The following TBC1D22A variants were observed in gnomAD, a reference collection of about 807,000 sequenced individuals.
TBC1D22A encodes the protein putative GTPase activator.
In TBC1D22A, 38 loss-of-function variants were observed where a neutral mutation model predicts 60.2. That is an observed-to-expected ratio of 0.63 (90% CI 0.49 to 0.83). The LOEUF (loss-of-function observed/expected upper bound fraction) is 0.83. TBC1D22A is among the 40% of genes least tolerant of loss of function. The probability of loss-of-function intolerance (pLI) is 0.00; values close to 1 mark genes in which losing one functional copy is unlikely to be tolerated. For synonymous variants in TBC1D22A, 302 were observed against 281.7 expected (o/e 1.07, Z -0.72); for missense variants, 628 against 701.0 (o/e 0.90, Z 1.18).
At chr22:46,969,282 G>A (rs1285374947) in intron 8 of TBC1D22A, among the ~76,000 whole-genome samples, 1 of 152,084 alleles carries the variant, frequency 6.6e-6, no homozygotes, top group Non-Finnish European at 1.5e-5. Flanking sequence ...CTGCCCTTCT[G>A]CAGAAAATAG....
chr22:46,886,925 T>C (rs2068148719), intron 5 of TBC1D22A, among the ~76,000 whole-genome samples: 1 of 152,224 alleles, frequency 6.6e-6, no homozygotes, highest in Non-Finnish European at 1.5e-5. Flanking sequence ...GGCCGTAGTT[T>C]GCTGATTCCT....
rs190365227 is a variant in TBC1D22A at position 46,808,265 on chromosome 22, G to A, written c.637+10645G>A. Among the ~76,000 whole-genome samples, 1,046 of 152,184 alleles carry A rather than the reference G, an allele frequency of 6.9e-3. 12 individuals are homozygous for A. The highest frequency in any genetic ancestry group is 6.7e-3 in the Non-Finnish European group (456 of 68,020). ...CCCAGCTACTTAGGAAGCTGAGGCAGGAGAATTGCTTGAACCCGGGAGGCA... is the reference window on the plus strand; with the variant it reads ...CCCAGCTACTTAGGAAGCTGAGGCAAGAGAATTGCTTGAACCCGGGAGGCA... On this transcript the variant is annotated intron_variant, in intron 4 of 12. Transcript: ENST00000337137.
rs1403670084 is a variant in TBC1D22A, at chr22:47,027,497, C to T, written c.1202-9574C>T. 2.0e-5 allele frequency among the ~76,000 whole-genome samples: 3 copies of T among 152,096 alleles called. No individual in the cohort carries two copies. The East Asian group carries it at 5.8e-4, about 29-fold the overall frequency. On this transcript the variant is annotated intron_variant, in intron 10 of 12. Transcript: ENST00000337137. ...CCTTCACCCCCTTCCCACCCTTTTC[C>T]CCTGAGTCCCCAAAGTCCACTGTGT...
At chr22:46,999,428 C>A (rs942484270) in intron 10 of TBC1D22A, among the ~76,000 whole-genome samples, 1 of 152,204 alleles carries the variant, frequency 6.6e-6, no homozygotes, top group African/African-American at 2.4e-5. Flanking sequence ...TAACTTGTTC[C>A]TGTTCTTCTA....
intron 12 of TBC1D22A, among the ~76,000 whole-genome samples, chr22:47,153,007 C>T (rs5767542): frequency 0.57 from 86,517 of 152,080 alleles, 25,160 homozygotes; most frequent in East Asian, 0.77. Flanking sequence ...AAAGGAGGTC[C>T]GAGGCAGGCA....
At chr22:47,088,459 C>T (rs1276932500) in intron 11 of TBC1D22A, among the ~76,000 whole-genome samples, 1 of 152,100 alleles carries the variant, frequency 6.6e-6, no homozygotes, top group Non-Finnish European at 1.5e-5. Flanking sequence ...TTAGAACATA[C>T]CAAGAATGTT....
At chr22:47,018,714 G>A (rs1188937476) in intron 10 of TBC1D22A, among the ~76,000 whole-genome samples, 1 of 152,150 alleles carries the variant, frequency 6.6e-6, no homozygotes, top group Non-Finnish European at 1.5e-5. Context: ...CCACCACCGT[G>A]TCTCCTGCTC....
chr22:46,900,428 G>C (rs2068925670), intron 7 of TBC1D22A, among the ~76,000 whole-genome samples: 1 of 152,142 alleles, frequency 6.6e-6, no homozygotes, highest in South Asian at 2.1e-4. Context: ...GGGATTACAG[G>C]CGTGAGTAAC....
chr22:46,971,326 G>A (rs986524022), intron 8 of TBC1D22A, among the ~76,000 whole-genome samples: 7 of 152,210 alleles, frequency 4.6e-5, no homozygotes, highest in African/African-American at 1.7e-4. Flanking sequence ...CTCAGGCAGA[G>A]GCTGTCAAGG....
At chr22:47,114,800 G>C (rs2065972247) in intron 12 of TBC1D22A, among the ~76,000 whole-genome samples, 1 of 152,132 alleles carries the variant, frequency 6.6e-6, no homozygotes, top group Admixed American at 6.5e-5. Context: ...GAAAGGCAGA[G>C]ACCCTCCTGT....
At chr22:47,067,143 A>G (rs1037484121) in intron 11 of TBC1D22A, among the ~76,000 whole-genome samples, 2 of 152,246 alleles carry the variant, frequency 1.3e-5, no homozygotes, top group Non-Finnish European at 2.9e-5. Flanking sequence ...GCACGTGCCT[A>G]TAAACCCAGC....
intron 4 of TBC1D22A, among the ~76,000 whole-genome samples, chr22:46,810,535 A>G (rs1054993714): frequency 6.6e-6 from 1 of 152,228 alleles, no homozygotes; most frequent in Non-Finnish European, 1.5e-5. Flanking sequence ...ATGAGGGTCA[A>G]AATGGCATAA....
intron 8 of TBC1D22A, among the ~76,000 whole-genome samples, chr22:46,944,605 A>G (rs569035558): frequency 2.4e-4 from 36 of 152,310 alleles, no homozygotes; most frequent in African/African-American, 7.5e-4. Context: ...TCACCGTGTT[A>G]GCCAGGATGG....
At chr22:47,083,242 T>TA (rs11370357) in intron 11 of TBC1D22A, among the ~76,000 whole-genome samples, 152,235 of 152,242 alleles carry the variant, frequency 1, 76,114 homozygotes, top group Non-Finnish European at 1. Flanking sequence ...TATATTCAAT[T>TA]GCAAGACTCA....
chr22:47,070,683 G>A (rs868181675), intron 11 of TBC1D22A, among the ~76,000 whole-genome samples: 2 of 77,866 alleles, frequency 2.6e-5, no homozygotes, highest in Non-Finnish European at 2.4e-5. Flanking sequence ...TGGCTGGAGC[G>A]GGGCTGACCT....
chr22:47,099,220 A>C (rs1217640967), intron 11 of TBC1D22A, among the ~76,000 whole-genome samples: 1 of 152,146 alleles, frequency 6.6e-6, no homozygotes, highest in Non-Finnish European at 1.5e-5. Flanking sequence ...GGAAAAGGGC[A>C]TACACAGAGG....
chr22:46,963,790 C>T (rs1420369359), intron 8 of TBC1D22A, among the ~76,000 whole-genome samples: 1 of 152,186 alleles, frequency 6.6e-6, no homozygotes, highest in Admixed American at 6.5e-5. Flanking sequence ...GGGGAGGACA[C>T]AGTGTGGCTG....
intron 4 of TBC1D22A, among the ~76,000 whole-genome samples, chr22:46,866,595 A>G (rs1337699331): frequency 6.6e-6 from 1 of 152,268 alleles, no homozygotes; most frequent in African/African-American, 2.4e-5. Context: ...TTACATTTTT[A>G]AAGGTTTGTG....
chr22:46,880,271 C>T (rs753261639), intron 5 of TBC1D22A, among the ~76,000 whole-genome samples: 37 of 152,286 alleles, frequency 2.4e-4, no homozygotes, highest in Middle Eastern at 6.8e-3. Flanking sequence ...AGGTGATACA[C>T]GAATGGTTAC....
Sources: allele counts gnomAD v4.1 joint callset (sites outside exome capture counted in the v4.1 genomes callset), GRCh38; gene constraint gnomAD v4.1.1; transcripts MANE v1.5; gene names NCBI Gene and HGNC (gene_info 2026-07-23, HGNC 2026-07-21).